VPS13B: variants seen among roughly 807,000 people sequenced by gnomAD.
The protein encoded by VPS13B is intermembrane lipid transfer protein VPS13B.
VPS13B carries 285 observed loss-of-function variants against 426.4 expected under a neutral mutation model. That is an observed-to-expected ratio of 0.67 (90% confidence interval 0.61 to 0.74). The LOEUF (loss-of-function observed/expected upper bound fraction) is 0.74, where lower values mean the gene tolerates loss of function less well. Among genes scored for constraint, VPS13B ranks in the 30% least tolerant of loss-of-function variants. The pLI is 0.00. For synonymous variants in VPS13B, 1,676 were observed against 1,676.4 expected (o/e 1.00, Z 0.01); for missense variants, 4,537 against 4,782.6 (o/e 0.95, Z 1.51).
chr8:99,607,225 T>C (rs191163228), intron 33 of VPS13B, among the ~76,000 whole-genome samples: 9 of 152,332 alleles, frequency 5.9e-5, no homozygotes, highest in African/African-American at 2.2e-4. Context: ...TATAAAATCT[T>C]TGTGAATACC....
chr8:99,420,468 A>C (rs1263363458), intron 21 of VPS13B, among the ~76,000 whole-genome samples: 1 of 152,184 alleles, frequency 6.6e-6, no homozygotes, highest in African/African-American at 2.4e-5. Flanking sequence ...TCATTGATTA[A>C]AATATAGATG....
intron 43 of VPS13B, among the ~76,000 whole-genome samples, chr8:99,794,123 C>T (rs1812691219): frequency 6.6e-6 from 1 of 152,162 alleles, no homozygotes; most frequent in Admixed American, 6.6e-5. Context: ...GTAAAAAGAA[C>T]TTGGCTCTCT....
chr8:99,431,988 T>C (rs1817139210), intron 22 of VPS13B, among the ~76,000 whole-genome samples: 1 of 152,058 alleles, frequency 6.6e-6, no homozygotes, highest in South Asian at 2.1e-4. Context: ...CATTCTTATC[T>C]CAGAACTGAG....
intron 39 of VPS13B, among the ~76,000 whole-genome samples, chr8:99,756,999 C>T (rs1810672583): frequency 6.6e-6 from 1 of 152,126 alleles, no homozygotes; most frequent in South Asian, 2.1e-4. Context: ...TAATATTTTC[C>T]TCCCTGAAAT....
chr8:99,573,805 A>G (rs1466121664), intron 31 of VPS13B, among the ~76,000 whole-genome samples: 2 of 152,066 alleles, frequency 1.3e-5, no homozygotes, highest in Non-Finnish European at 2.9e-5. Flanking sequence ...TTCCATATGA[A>G]CTTTAAAGTA....
chr8:99,246,595 C>T (rs551325167), intron 17 of VPS13B, among the ~76,000 whole-genome samples: 15 of 152,066 alleles, frequency 9.9e-5, no homozygotes, highest in South Asian at 2.1e-4. Context: ...AGCTCTGATG[C>T]GGTGGCTCAC....
At chr8:99,732,774 C>G (rs1201198965) in intron 39 of VPS13B, among the ~76,000 whole-genome samples, 1 of 152,098 alleles carries the variant, frequency 6.6e-6, no homozygotes, top group South Asian at 2.1e-4. Flanking sequence ...ATGGGATTTT[C>G]GAAACAAAAA....
At chr8:99,546,685 G>A (rs2133742969) in intron 30 of VPS13B, among the ~76,000 whole-genome samples, 1 of 151,936 alleles carries the variant, frequency 6.6e-6, no homozygotes, top group Non-Finnish European at 1.5e-5. Flanking sequence ...TCTGTATTTT[G>A]TATTACAAAG....
intron 25 of VPS13B, among the ~76,000 whole-genome samples, chr8:99,495,877 G>T (rs564817902): frequency 7.2e-5 from 11 of 152,286 alleles, no homozygotes; most frequent in African/African-American, 2.6e-4. Context: ...ATTGATTGAT[G>T]AAAAGGCGGT....
intron 39 of VPS13B, among the ~76,000 whole-genome samples, chr8:99,738,639 A>G (rs930866043): frequency 2.6e-5 from 4 of 152,050 alleles, no homozygotes; most frequent in Admixed American, 2.0e-4. Context: ...ACAACCTTAC[A>G]TTTTTTTCCA....
At chr8:99,259,649 A>G (rs1288274646) in intron 17 of VPS13B, among the ~76,000 whole-genome samples, 2 of 152,098 alleles carry the variant, frequency 1.3e-5, no homozygotes, top group African/African-American at 2.4e-5. Flanking sequence ...ATTTGTAACC[A>G]CAACTCTGTC....
chr8:99,034,414 G>T (rs199587105), intron 2 of VPS13B, among the ~76,000 whole-genome samples: 120 of 144,632 alleles, frequency 8.3e-4, no homozygotes, highest in African/African-American at 2.8e-3. Context: ...TTATAAGTCT[G>T]TTTTTTTTTT....
intron 2 of VPS13B, among the ~76,000 whole-genome samples, chr8:99,028,412 C>T (rs1158287902): frequency 6.7e-6 from 1 of 148,496 alleles, no homozygotes; most frequent in Non-Finnish European, 1.5e-5. Flanking sequence ...CACCTCCCTC[C>T]CGGACGGGGC....
At chr8:99,350,469 A>G (rs1422248342) in intron 19 of VPS13B, among the ~76,000 whole-genome samples, 1 of 152,178 alleles carries the variant, frequency 6.6e-6, no homozygotes, top group African/African-American at 2.4e-5. Context: ...ATGTTGTAGC[A>G]GTTCTTATGA....
At chr8:99,829,702 T>C (rs1814934269) in intron 51 of VPS13B, among the ~76,000 whole-genome samples, 1 of 152,230 alleles carries the variant, frequency 6.6e-6, no homozygotes, top group Non-Finnish European at 1.5e-5. Context: ...TTTCAGCCTT[T>C]TTGTGCTGGT....
intron 21 of VPS13B, among the ~76,000 whole-genome samples, chr8:99,422,254 C>T (rs933131076): frequency 1.3e-5 from 2 of 152,094 alleles, no homozygotes; most frequent in Non-Finnish European, 2.9e-5. Context: ...TTGAACAACA[C>T]TTTTAAGCCA....
rs373186285 is a variant in VPS13B at position 99,824,634 on chromosome 8, A to G, written c.9330+656A>G. Among the ~76,000 whole-genome samples, 37 of 149,450 alleles carry G rather than the reference A, an allele frequency of 2.5e-4. No individual in the cohort carries two copies. The East Asian group carries it at 7.0e-3, about 28-fold the overall frequency. ...ATTATACTTTTAAGTTCTGGGATACATGTGTAGAACATACAGGTTTGTTAC... is the reference window on the plus strand; with the variant it reads ...ATTATACTTTTAAGTTCTGGGATACGTGTGTAGAACATACAGGTTTGTTAC... On this transcript the variant is annotated intron_variant, in intron 51 of 61. Coordinates refer to ENST00000357162, the MANE Select transcript of VPS13B (RefSeq NM_152564.5).
At chr8:99,137,037 A>G (rs1174517828) in intron 12 of VPS13B, among the ~76,000 whole-genome samples, 1 of 152,150 alleles carries the variant, frequency 6.6e-6, no homozygotes, top group Non-Finnish European at 1.5e-5. Context: ...TTTATATTAC[A>G]TTAAATTTTT....
Position 99,442,485 on chromosome 8 carries a change from A to G in VPS13B, c.3295A>G (p.Thr1099Ala), listed in dbSNP as rs1352448421. The change falls in exon 23 of 62, where the codon ACA becomes GCA. Residue 1099 changes from threonine to alanine, a missense_variant. Physicochemically the swap from Thr to Ala is moderately conservative, Grantham distance 58 (BLOSUM62 0). Around this residue, in one of 2 missense-constraint regions of VPS13B, gnomAD observed 4,311 missense variants for 4,474.3 expected, o/e 0.96. Coordinates refer to ENST00000357162, the MANE Select transcript of VPS13B (RefSeq NM_152564.5). Reference protein sequence around the residue: ...STIVSGDIPGTVRSWYHGQTS... With the variant: ...STIVSGDIPGAVRSWYHGQTS... ...AATTGTATCTGGTGACATTCCTGGA[A>G]CAGTAAGAAGTTGGTACCATGGACA... The G allele has an allele frequency of 3.1e-6, 5 of 1,614,000 alleles. No individual in the cohort carries two copies. The South Asian group carries it at 5.5e-5, about 18-fold the overall frequency.
Sources: allele counts gnomAD v4.1 joint callset (sites outside exome capture counted in the v4.1 genomes callset), GRCh38; gene constraint gnomAD v4.1.1; regional missense constraint gnomAD v4.1.1; transcripts MANE v1.5; gene names NCBI Gene and HGNC (gene_info 2026-07-23, HGNC 2026-07-21).